Variants in MYH1 observed in about 807,000 individuals in gnomAD.
MYH1 encodes the protein myosin heavy chain 1, also known as myosin-1.
In MYH1, 214 loss-of-function variants were observed where a neutral mutation model predicts 225.6. The observed-to-expected ratio is 0.95, with a 90% CI of 0.85 to 1.06. The LOEUF (loss-of-function observed/expected upper bound fraction) is 1.06. Ranked by LOEUF, MYH1 falls within the 50% of genes least tolerant of loss-of-function variation. The pLI is 0.00. For synonymous variants in MYH1, 774 were observed against 842.3 expected, an observed-to-expected ratio of 0.92 and a Z score of 1.40; for missense variants, 2,098 against 2,344.2, an observed-to-expected ratio of 0.89 and a Z score of 2.17.
chr17:10,494,664 G>C lies in MYH1; in HGVS notation c.5476C>G (p.Leu1826Val). 1 of 1,613,782 alleles carries C rather than the reference G, an allele frequency of 6.2e-7. No individual in the cohort carries two copies. Among genetic ancestry groups the C allele is most frequent in the Non-Finnish European group, 8.5e-7 (1 of 1,179,988 alleles). The change falls in exon 38 of 40, where the codon CTT (leucine) becomes GTT (valine). Residue 1826 changes from leucine (L) to valine (V), a missense_variant. Leu to Val is a conservative substitution (Grantham distance 32). Transcript: ENST00000226207. Reference protein sequence around the residue: ...IQKLEARVRELEGEVESEQKR... With the variant: ...IQKLEARVREVEGEVESEQKR... ...TGTTCACTTTCAACTTCACCTTCAA[G>C]TTCACGAACCTACAAGAAGATGGAC...
intron 39 of MYH1, among the ~76,000 whole-genome samples, chr17:10,493,373 C>G (rs2072954421): frequency 6.6e-6 from 1 of 152,132 alleles, no homozygotes; most frequent in Non-Finnish European, 1.5e-5. Context: ...CTTTCTCTCT[C>G]TCTTACCTTA....
At position 10,505,470 on chromosome 17, in the gene MYH1, A is replaced by G; in HGVS notation, c.2216T>C (p.Phe739Ser). Reference sequence around the variant, plus strand: ...CTCTGAAGCCTTCTTGCTATCGATGAATTGTCCTTCAGGGATAGCACTTGC... The same window carrying G: ...CTCTGAAGCCTTCTTGCTATCGATGGATTGTCCTTCAGGGATAGCACTTGC... ...LNASAIPEGQ[F>S]IDSKKASEKL... is the part of the protein sequence containing the mutation. Residue 739 changes from phenylalanine (F) to serine (S), a missense_variant, in exon 20 of 40, where the codon TTC becomes TCC. Coordinates refer to ENST00000226207, the MANE Select transcript of MYH1 (RefSeq NM_005963.4). 3 of 1,614,178 alleles carry G rather than the reference A, an allele frequency of 1.9e-6. No individual in the cohort carries two copies. The highest frequency in any genetic ancestry group is 2.5e-6 in the Non-Finnish European group (3 of 1,180,020).
In MYH1 at chr17:10,501,630, A is replaced by G. The variant is rs2142263202; in HGVS notation, c.3312T>C (p.Leu1104=). 1 of 1,614,172 alleles carries G rather than the reference A, an allele frequency of 6.2e-7. No homozygotes were observed. ...TGATTTTCTTCTGCAGCTGCATACC[A>G]AGGGCTTGTTCATCTTCAATCTTGC... The part of the protein sequence containing the change: ...LQSKIEDEQA[L]GMQLQKKIKE... Residue 1104 remains leucine, a synonymous_variant, in exon 26 of 40, where the codon CTT becomes CTC. Transcript: ENST00000226207.
chr17:10,498,785 C>T lies in MYH1; in HGVS notation c.4022G>A (p.Arg1341His), dbSNP rs758259998. 88 of 1,614,072 alleles carry T rather than the reference C, an allele frequency of 5.5e-5. 1 individual carries two copies. The highest frequency in any genetic ancestry group is 3.3e-4 in the East Asian group (15 of 44,898). The change falls in exon 30 of 40, where the codon CGC becomes CAC. Residue 1341 changes from arginine to histidine, a missense_variant. Coordinates refer to ENST00000226207, the MANE Select transcript of MYH1 (RefSeq NM_005963.4). ...TTCCCGCAGCAGGTCACAGTCATGG[C>T]GGGAGGACTGCAGGGCATGTGCCAG... ...SALAHALQSSRHDCDLLREQY... is the reference protein window; with the variant it reads ...SALAHALQSSHHDCDLLREQY...
rs752209461 is a variant in MYH1, at chr17:10,509,581, G to T, written c.1491C>A (p.Phe497Leu). 2 of 1,614,150 alleles carry T rather than the reference G, an allele frequency of 1.2e-6. No homozygotes were observed. The highest frequency in any genetic ancestry group is 2.2e-5 in the South Asian group (2 of 91,074). Residue 497 changes from phenylalanine to leucine, a missense_variant, in exon 15 of 40, where the codon TTC (phenylalanine) becomes TTA (leucine). Transcript: ENST00000226207. Reference protein sequence around the residue: ...KLQQFFNHHMFVLEQEEYKKE... With the variant: ...KLQQFFNHHMLVLEQEEYKKE... ...TCTTGTACTCCTCCTGCTCCAGCAC[G>T]AACATGTGGTGGTTGAAAAACTGTT...
At position 10,506,249 on chromosome 17, in the gene MYH1, C is replaced by T. The variant is rs190129682; in HGVS notation, c.1969-150G>A. 1,398 of 1,017,040 alleles carry T rather than the reference C, an allele frequency of 1.4e-3. 4 individuals are homozygous for T. The highest frequency in any genetic ancestry group is 3.0e-3 in the Admixed American group (109 of 36,344). 63.0% of individuals were successfully genotyped at this position (1,017,040 alleles called of 1,614,324 possible). On this transcript the variant is annotated intron_variant, in intron 17 of 39. Coordinates refer to ENST00000226207, the MANE Select transcript of MYH1 (RefSeq NM_005963.4). Reference sequence around the variant, plus strand: ...TTCAAAGAGTTATCTCTGGAATTTCCACATTCCTAATATGTCCCCCTGTTT... The same window carrying T: ...TTCAAAGAGTTATCTCTGGAATTTCTACATTCCTAATATGTCCCCCTGTTT...
At position 10,512,107 on chromosome 17, in the gene MYH1, A is replaced by G. The variant is rs1206075824; in HGVS notation, c.1233T>C (p.Asn411=). 9.3e-6 allele frequency: 15 copies of G among 1,614,156 alleles called. No individual in the cohort carries two copies. Among genetic ancestry groups the G allele is most frequent in the Non-Finnish European group, 1.2e-5 (14 of 1,180,024 alleles). ...ALCYPRVKVG[N]EYVTKGQTVQ... ...CAGTTTGACCTTTGGTGACATACTC[A>G]TTGCCGACCTTGACCCTAGGGTAGC... Residue 411 remains asparagine, a synonymous_variant, in exon 13 of 40, where the codon AAT becomes AAC. Coordinates refer to ENST00000226207, the MANE Select transcript of MYH1 (RefSeq NM_005963.4).
intron 4 of MYH1, 48 bp downstream of exon 4, chr17:10,516,151 A>G: frequency 6.2e-7 from 1 of 1,613,442 alleles, no homozygotes; most frequent in Non-Finnish European, 8.5e-7. Context: ...TACTTTTCAA[A>G]AACTATTAAC....
In MYH1 at chr17:10,505,026, G is replaced by A. The variant is rs1185433130; in HGVS notation, c.2475C>T (p.Phe825=). ...TCCAGGGCCAGTGCTTCACATTCAT[G>A]AAGGCACGGACATTGTACTGGATGC... ...IFCIQYNVRA[F]MNVKHWPWMK... Residue 825 remains phenylalanine, a synonymous_variant, in exon 22 of 40, where the codon TTC becomes TTT. Transcript: ENST00000226207. The A allele has an allele frequency of 1.2e-6, 2 of 1,614,198 alleles. No homozygotes were observed. The highest frequency in any genetic ancestry group is 1.7e-6 in the Non-Finnish European group (2 of 1,180,050).
chr17:10,499,192 T>TG, intron 28 of MYH1, 100 bp from the exon 29 acceptor site: 2 of 955,702 alleles, frequency 2.1e-6, no homozygotes, highest in South Asian at 2.7e-5. Context: ...TGAAACTTGA[T>TG]GGAGGGCATG....
At position 10,497,112 on chromosome 17, in the gene MYH1, T is replaced by C. The variant is rs776962006; in HGVS notation, c.4613A>G (p.Glu1538Gly). 1 of 1,614,150 alleles carries C rather than the reference T, an allele frequency of 6.2e-7. No individual in the cohort carries two copies. The highest frequency in any genetic ancestry group is 2.2e-5 in the East Asian group (1 of 44,868). The change falls in exon 33 of 40, where the codon GAG becomes GGG. Residue 1538 changes from glutamate (E) to glycine (G), a missense_variant. Physicochemically the swap from Glu to Gly is moderately conservative, Grantham distance 98. Transcript: ENST00000226207. ...HELEKIKKQVEQEKSELQAAL... is the reference protein window; with the variant it reads ...HELEKIKKQVGQEKSELQAAL... The stretch of plus-strand genomic sequence containing the variant: ...AGCCTGAAGTTCAGACTTTTCTTGC[T>C]CAACTTGCTTCTTTATTTTTTCCAG...
chr17:10,496,223 T>C lies in MYH1; in HGVS notation c.4965+18A>G. On this transcript the variant is annotated intron_variant, in intron 34 of 39. Coordinates refer to ENST00000226207, the MANE Select transcript of MYH1 (RefSeq NM_005963.4). ...AGGCACCCCAATTGTCCTGGGATCA[T>C]CTGTTGGACATATTTACCTTGAGGA... The C allele has an allele frequency of 6.2e-7, 1 of 1,614,176 alleles. No individual in the cohort carries two copies. The highest frequency in any genetic ancestry group is 8.5e-7 in the Non-Finnish European group (1 of 1,180,022).
chr17:10,516,473 C>G lies in MYH1; in HGVS notation c.170G>C (p.Gly57Ala), dbSNP rs200550531. The G allele has an allele frequency of 4.6e-5, 74 of 1,614,108 alleles. No individual in the cohort carries two copies. The highest frequency in any genetic ancestry group is 6.7e-5 in the East Asian group (3 of 44,892). The change falls in exon 3 of 40, where the codon GGG (glycine) becomes GCG (alanine). Residue 57 changes from glycine to alanine, a missense_variant. Gly to Ala is a moderately conservative substitution (Grantham distance 60, BLOSUM62 0). Coordinates refer to ENST00000226207, the MANE Select transcript of MYH1 (RefSeq NM_005963.4). Reference sequence around the variant, plus strand: ...TTCGGTCTTAGCTGTCACCTTCCCCCCTTCCCTGCTCTGCACTGTTGCTTT... The same window carrying G: ...TTCGGTCTTAGCTGTCACCTTCCCCGCTTCCCTGCTCTGCACTGTTGCTTT... ...FVKATVQSRE[G>A]GKVTAKTEAG...
intron 15 of MYH1, among the ~76,000 whole-genome samples, chr17:10,509,190 G>A (rs564485053): frequency 4.3e-4 from 66 of 152,078 alleles, no homozygotes; most frequent in African/African-American, 1.6e-3. Context: ...ACTTTAGGAT[G>A]ACAAAAAACA....
chr17:10,510,766 AT>A (rs1175237625), intron 14 of MYH1, among the ~76,000 whole-genome samples: 1 of 142,618 alleles, frequency 7.0e-6, no homozygotes, highest in Admixed American at 7.1e-5. Flanking sequence ...CAGAAAGTAG[AT>A]TAGGGGTTTC....
At chr17:10,504,573 A>G (rs1292735656) in intron 22 of MYH1, among the ~76,000 whole-genome samples, 4 of 152,258 alleles carry the variant, frequency 2.6e-5, no homozygotes, top group Non-Finnish European at 4.4e-5. Flanking sequence ...TCTGCTGTAG[A>G]AAACAACAGA....
intron 17 of MYH1, 68 bp from the exon 18 acceptor site, chr17:10,506,167 A>C: frequency 3.8e-6 from 6 of 1,580,404 alleles, no homozygotes; most frequent in Non-Finnish European, 5.2e-6. Context: ...TATAGACATA[A>C]TTATTGAGAT....
Position 10,513,696 on chromosome 17 carries a change from A to T in MYH1, c.742-7T>A. ...GGATCCTGATGAATTTACCCTTGTA[A>T]GTAAAAAAAATGATGTTATACCCAA... is the stretch of plus-strand genomic sequence containing the variant. On this transcript the variant is annotated splice_polypyrimidine_tract_variant and splice_region_variant and intron_variant, in intron 8 of 39. Coordinates refer to ENST00000226207, the MANE Select transcript of MYH1 (RefSeq NM_005963.4). The T allele has an allele frequency of 6.2e-7, 1 of 1,614,010 alleles. No individual in the cohort carries two copies. The highest frequency in any genetic ancestry group is 8.5e-7 in the Non-Finnish European group (1 of 1,179,888).
chr17:10,507,988 G>C (rs1190869692), intron 16 of MYH1, 32 bp from the exon 17 acceptor site: 1 of 1,502,660 alleles, frequency 6.7e-7, no homozygotes, highest in South Asian at 1.2e-5. Flanking sequence ...TCATAGGACA[G>C]CCTTTCTCTG....
Sources: allele counts gnomAD v4.1 joint callset (sites outside exome capture counted in the v4.1 genomes callset), GRCh38; gene constraint gnomAD v4.1.1; transcripts MANE v1.5; gene names NCBI Gene and HGNC (gene_info 2026-07-23, HGNC 2026-07-21).